Variants in SMC4 observed in about 807,000 individuals in gnomAD.
SMC4 encodes the protein structural maintenance of chromosomes protein 4.
In SMC4, 87 loss-of-function variants were observed where a neutral mutation model predicts 145.6. The observed-to-expected ratio is 0.60, with a 90% CI of 0.50 to 0.71. The LOEUF (loss-of-function observed/expected upper bound fraction) is 0.71. SMC4 is among the 30% of genes least tolerant of loss of function. The pLI is 0.00. For synonymous variants in SMC4, 558 were observed against 500.7 expected (o/e 1.11, Z -1.53); for missense variants, 1,447 against 1,537.1 (o/e 0.94, Z 0.98).
rs773825511 is a variant in SMC4 at position 160,431,723 on chromosome 3, G to T, written c.3195G>T (p.Ala1065=). The change falls in exon 21 of 24, where the codon GCG becomes GCT. Residue 1065 remains alanine (A), a synonymous_variant. Coordinates refer to ENST00000357388, the MANE Select transcript of SMC4 (RefSeq NM_001002800.3). ...TTCTAAGCCCAGAGGATCTTGAAGC[G>T]ATCAAGAATCCAGATTCTATAACAA... ...ISVLSPEDLE[A]IKNPDSITNQ... 1 of 1,613,672 alleles carries T rather than the reference G, an allele frequency of 6.2e-7. No homozygotes were observed. Among genetic ancestry groups the T allele is most frequent in the Non-Finnish European group, 8.5e-7 (1 of 1,179,722 alleles).
intron 19 of SMC4, 64 bp from the exon 20 acceptor site, chr3:160,430,968 C>T (rs7631792): frequency 0.51 from 767,566 of 1,492,166 alleles, 201,038 homozygotes; most frequent in African/African-American, 0.54. Context: ...TCCTTCATCT[C>T]TGTAATGTGA....
intron 18 of SMC4, 142 bp from the exon 19 acceptor site, chr3:160,430,457 A>T: frequency 1.4e-6 from 1 of 701,278 alleles, no homozygotes; most frequent in Non-Finnish European, 2.3e-6. Flanking sequence ...TGATTTAAGG[A>T]TGGTTTAGTA....
chr3:160,421,117 A>G (rs1268828871), intron 13 of SMC4, among the ~76,000 whole-genome samples: 6 of 151,626 alleles, frequency 4.0e-5, no homozygotes, highest in Non-Finnish European at 8.8e-5. Context: ...TTTTCAGTAG[A>G]GAGGGGTTTC....
At chr3:160,399,972 T>C (rs890160276) in intron 1 of SMC4, 1 of 152,152 alleles carries the variant, frequency 6.6e-6, no homozygotes, top group Non-Finnish European at 1.5e-5. Flanking sequence ...TACTCAAATG[T>C]CTCGGGGAGG....
chr3:160,407,273 C>CT (rs1159771445), intron 5 of SMC4, among the ~76,000 whole-genome samples: 2 of 152,196 alleles, frequency 1.3e-5, no homozygotes, highest in African/African-American at 4.8e-5. Flanking sequence ...ACGAACCAGG[C>CT]TGGGTGCATT....
At chr3:160,403,550 G>T (rs1443270073) in intron 4 of SMC4, among the ~76,000 whole-genome samples, 2 of 151,998 alleles carry the variant, frequency 1.3e-5, no homozygotes, top group Non-Finnish European at 2.9e-5. Context: ...TTTGTCTTTT[G>T]AATTCGTTTT....
chr3:160,419,179 C>T (rs1716903861), intron 11 of SMC4, among the ~76,000 whole-genome samples, 179 bp from the exon 12 acceptor site: 1 of 152,124 alleles, frequency 6.6e-6, no homozygotes, highest in African/African-American at 2.4e-5. Flanking sequence ...CTTTTAAACC[C>T]ATCCATATTT....
chr3:160,411,830 G>C (rs1176203156), intron 5 of SMC4, 90 bp from the exon 6 acceptor site: 2 of 1,015,094 alleles, frequency 2.0e-6, no homozygotes, highest in Admixed American at 4.6e-5. Flanking sequence ...TATTACTCTT[G>C]GCTTTATTAT....
rs139802769 is a variant in SMC4 at position 160,428,454 on chromosome 3, A to G, written c.2606-299A>G. ...GGCTAAAAATCATTATGAACTCAGT[A>G]GTCAAGGAAGTGCCCTAAGAAAAAG... On this transcript the variant is annotated intron_variant, in intron 17 of 23. Transcript: ENST00000357388. 2.2e-3 allele frequency among the ~76,000 whole-genome samples: 341 copies of G among 152,354 alleles called. 3 individuals carry two copies. Among genetic ancestry groups the G allele is most frequent in the African/African-American group, 7.6e-3 (314 of 41,578 alleles).
At chr3:160,401,883 G>C (rs777778807) in intron 2 of SMC4, 32 bp from the exon 3 acceptor site, 2 of 1,539,124 alleles carry the variant, frequency 1.3e-6, no homozygotes, top group Non-Finnish European at 1.8e-6. Flanking sequence ...CCCGCCGTTT[G>C]CCTTCGTTTT....
chr3:160,401,768 A>C (rs1241066308), intron 2 of SMC4, 147 bp from the exon 3 acceptor site: 1 of 616,924 alleles, frequency 1.6e-6, no homozygotes, highest in Non-Finnish European at 2.8e-6. Flanking sequence ...ATTTAAGTGG[A>C]AAATATAGAC....
chr3:160,433,749 C>A lies in SMC4; in HGVS notation c.3807C>A (p.Tyr1269Ter). 6.3e-7 allele frequency: 1 copy of A among 1,599,400 alleles called. No homozygotes were observed. The highest frequency in any genetic ancestry group is 1.1e-5 in the South Asian group (1 of 87,518). The change falls in exon 24 of 24, where the codon TAC becomes TAA. Residue 1269 changes from tyrosine to a stop codon, truncating the protein, a stop_gained. Coordinates refer to ENST00000357388, the MANE Select transcript of SMC4 (RefSeq NM_001002800.3). LOFTEE classifies it high-confidence loss of function. ...GACTTATTGGAATTTACAAGACATACAACATAACAAAAAGTGTTGCTGTAA... is the reference window on the plus strand; with the variant it reads ...GACTTATTGGAATTTACAAGACATAAAACATAACAAAAAGTGTTGCTGTAA... ...SDRLIGIYKT[Y>*]NITKSVAVNP...
intron 5 of SMC4, among the ~76,000 whole-genome samples, chr3:160,405,199 C>T (rs1715191063): frequency 6.6e-6 from 1 of 151,858 alleles, no homozygotes; most frequent in Admixed American, 6.6e-5. Flanking sequence ...AGTACCTGTG[C>T]CAAACTGATT....
At position 160,433,645 on chromosome 3, in the gene SMC4, GT is replaced by G. The variant is rs1211341439; in HGVS notation, c.3715-9del. The G allele has an allele frequency of 6.7e-7, 1 of 1,487,632 alleles. No homozygotes were observed. Among genetic ancestry groups the G allele is most frequent in the Non-Finnish European group, 9.1e-7 (1 of 1,104,210 alleles). The allele number at this position is 1,487,632 out of a possible 1,614,324, so 92.2% of individuals were successfully genotyped here. A position where few individuals can be genotyped will look rare whatever the true frequency, so the allele number is the denominator to read the frequency against. ...ATTACTTAATGTTTGACTTTTCTTT[GT>G]TTCTCTTTAGGAACAAACAAAAAAT... On this transcript the variant is annotated splice_polypyrimidine_tract_variant and intron_variant, in intron 23 of 23. Coordinates refer to ENST00000357388, the MANE Select transcript of SMC4 (RefSeq NM_001002800.3).
intron 5 of SMC4, among the ~76,000 whole-genome samples, chr3:160,408,144 CCTT>C (rs1177359665): frequency 6.6e-6 from 1 of 152,148 alleles, no homozygotes; most frequent in African/African-American, 2.4e-5. Flanking sequence ...CTGAAACCCT[CCTT>C]CATAGTAATT....
chr3:160,418,480 C>G (rs999980901), intron 11 of SMC4, among the ~76,000 whole-genome samples: 19 of 151,980 alleles, frequency 1.3e-4, no homozygotes, highest in African/African-American at 4.6e-4. Context: ...TCCAAAACCT[C>G]AGTAGGCAAG....
intron 9 of SMC4, among the ~76,000 whole-genome samples, chr3:160,415,520 A>G (rs1363044024): frequency 1.3e-5 from 2 of 152,244 alleles, no homozygotes; most frequent in Non-Finnish European, 2.9e-5. Context: ...ATTAGGCTCT[A>G]CTTTACGCTA....
intron 5 of SMC4, among the ~76,000 whole-genome samples, chr3:160,410,951 G>A (rs984046951): frequency 4.0e-5 from 6 of 151,596 alleles, no homozygotes; most frequent in African/African-American, 1.2e-4. Context: ...TTTTTCATTT[G>A]CCTGTACCTA....
In SMC4 at chr3:160,402,030, T is replaced by G; in HGVS notation, c.255T>G (p.Thr85=). 3 of 1,596,102 alleles carry G rather than the reference T, an allele frequency of 1.9e-6. No individual in the cohort carries two copies. The highest frequency in any genetic ancestry group is 2.6e-6 in the Non-Finnish European group (3 of 1,173,146). The part of the protein sequence containing the change: ...NEAGAPRLMI[T]HIVNQNFKSY... ...CTGGAGCTCCTCGGCTTATGATAAC[T>G]CATATTGTAAACCAGAACTTCAAAT... The change falls in exon 3 of 24, where the codon ACT becomes ACG. Residue 85 remains threonine, a synonymous_variant. Coordinates refer to ENST00000357388, the MANE Select transcript of SMC4 (RefSeq NM_001002800.3).
Sources: allele counts gnomAD v4.1 joint callset (sites outside exome capture counted in the v4.1 genomes callset), GRCh38; gene constraint gnomAD v4.1.1; transcripts MANE v1.5; gene names NCBI Gene and HGNC (gene_info 2026-07-23, HGNC 2026-07-21).